ACACB: variants seen among roughly 807,000 people sequenced by gnomAD.
The protein encoded by ACACB is acetyl-CoA carboxylase 2.
ACACB carries 209 observed loss-of-function variants against 278.8 expected under a neutral mutation model. The observed-to-expected ratio is 0.75, with a 90% CI of 0.67 to 0.84. The LOEUF is 0.84. Ranked by LOEUF, ACACB falls within the 40% of genes least tolerant of loss-of-function variation. The pLI, the probability that ACACB is intolerant of heterozygous loss-of-function variation, is 0.00. For synonymous variants in ACACB, 1,174 were observed against 1,285.6 expected, an observed-to-expected ratio of 0.91 and a Z score of 1.86; for missense variants, 2,850 against 3,269.0, an observed-to-expected ratio of 0.87 and a Z score of 3.13.
At chr12:109,210,563 A>G (rs997004281) in intron 21 of ACACB, among the ~76,000 whole-genome samples, 8 of 148,518 alleles carry the variant, frequency 5.4e-5, no homozygotes, top group South Asian at 4.2e-4. Flanking sequence ...ATACATATAT[A>G]CATGTATGTG....
rs377759928 is a variant in ACACB at position 109,124,041 on chromosome 12, G to A, written c.-10+7337G>A. On this transcript the variant is annotated intron_variant, in intron 1 of 52. Coordinates refer to ENST00000338432, the MANE Select transcript of ACACB (RefSeq NM_001093.4). The stretch of plus-strand genomic sequence containing the variant: ...AGCTAGATGTCACACTGTTTTGCCC[G>A]TAATACTTTAGCACACATTTCTAAA... Among the ~76,000 whole-genome samples, 6 of 151,832 alleles carry A rather than the reference G, an allele frequency of 4.0e-5. No homozygotes were observed. The South Asian group carries it at 8.3e-4, about 21-fold the overall frequency.
intron 2 of ACACB, among the ~76,000 whole-genome samples, chr12:109,144,754 C>CTTTT (rs71079528): frequency 6.8e-5 from 7 of 102,802 alleles, no homozygotes; most frequent in African/African-American, 1.2e-4. Flanking sequence ...TTCTTTCTTT[C>CTTTT]TTTTTTTTTT....
chr12:109,246,929 G>A (rs77275020), intron 39 of ACACB, among the ~76,000 whole-genome samples: 5,799 of 152,170 alleles, frequency 0.038, 167 homozygotes, highest in Middle Eastern at 0.075. Context: ...AAAAAACTAG[G>A]TGAGCATGAT....
intron 24 of ACACB, among the ~76,000 whole-genome samples, chr12:109,218,074 T>C (rs1232522987): frequency 6.6e-6 from 1 of 152,226 alleles, no homozygotes; most frequent in Non-Finnish European, 1.5e-5. Context: ...GAACCAATAG[T>C]CTGACTCCAG....
chr12:109,251,504 A>T (rs999318230), intron 41 of ACACB, among the ~76,000 whole-genome samples: 1 of 152,198 alleles, frequency 6.6e-6, no homozygotes, highest in South Asian at 2.1e-4. Context: ...TTATATGTAT[A>T]GTCTTTTTAT....
At chr12:109,124,876 G>A (rs932269810) in intron 1 of ACACB, among the ~76,000 whole-genome samples, 1 of 152,112 alleles carries the variant, frequency 6.6e-6, no homozygotes, top group Non-Finnish European at 1.5e-5. Flanking sequence ...CACCATGCCT[G>A]GCTAATTTTA....
chr12:109,123,791 A>C (rs1200661593), intron 1 of ACACB, among the ~76,000 whole-genome samples: 1 of 151,300 alleles, frequency 6.6e-6, no homozygotes, highest in Non-Finnish European at 1.5e-5. Flanking sequence ...CTGGGCTCCC[A>C]TCTCAGCCTC....
At chr12:109,243,232 A>G (rs908421919) in intron 37 of ACACB, among the ~76,000 whole-genome samples, 2 of 152,214 alleles carry the variant, frequency 1.3e-5, no homozygotes, top group Admixed American at 6.5e-5. Flanking sequence ...ACCAGGCACC[A>G]TTCGAAGTCT....
intron 25 of ACACB, 26 bp downstream of exon 25, chr12:109,222,646 C>G: frequency 1.3e-6 from 2 of 1,590,892 alleles, no homozygotes; most frequent in Non-Finnish European, 8.6e-7. Flanking sequence ...GCGGTCCCCA[C>G]GATGTGCGTT....
rs1441625300 is a variant in ACACB, at chr12:109,223,877, C to T, written c.3855C>T (p.Asn1285=). The change falls in exon 27 of 53, where the codon AAC becomes AAT. Residue 1285 remains asparagine (N), a synonymous_variant. Transcript: ENST00000338432. ...TGCCTACTTTCTTCTATCACGCAAA[C>T]AAAGTCGTGTGCATGGCGTCCTTGG... ...DVLPTFFYHA[N]KVVCMASLEV... is the part of the protein sequence containing the mutation. 1.2e-6 allele frequency: 2 copies of T among 1,614,056 alleles called. No individual in the cohort carries two copies. The highest frequency in any genetic ancestry group is 2.2e-5 in the East Asian group (1 of 44,906).
At chr12:109,193,969 G>A (rs780619789) in intron 16 of ACACB, among the ~76,000 whole-genome samples, 1 of 152,170 alleles carries the variant, frequency 6.6e-6, no homozygotes, top group Non-Finnish European at 1.5e-5. Flanking sequence ...CTGTAGCTGC[G>A]GTAACAAGGT....
upstream of ACACB, among the ~76,000 whole-genome samples, chr12:109,112,708 A>C (rs918967861): frequency 5.5e-4 from 82 of 149,362 alleles, 1 homozygote; most frequent in African/African-American, 1.9e-3. Flanking sequence ...AAAAAAAAAA[A>C]ACCAACCAGG....
chr12:109,264,786 T>C (rs2047470761), intron 50 of ACACB, among the ~76,000 whole-genome samples: 1 of 152,098 alleles, frequency 6.6e-6, no homozygotes, highest in South Asian at 2.1e-4. Context: ...CCAGTGCTCA[T>C]TGGTTCTCTT....
intron 27 of ACACB, 37 bp downstream of exon 27, chr12:109,223,941 G>T: frequency 6.4e-7 from 1 of 1,559,220 alleles, no homozygotes; most frequent in Non-Finnish European, 8.8e-7. Context: ...CACTGACCAT[G>T]CCAGTTCTAG....
intron 9 of ACACB, among the ~76,000 whole-genome samples, 199 bp from the exon 10 acceptor site, chr12:109,178,889 C>CT (rs1415333580): frequency 6.6e-6 from 1 of 152,192 alleles, no homozygotes; most frequent in Non-Finnish European, 1.5e-5. Flanking sequence ...CCTGGGGCCC[C>CT]TTTCTCCTCG....
chr12:109,206,454 C>A (rs1402823711), intron 19 of ACACB, among the ~76,000 whole-genome samples: 1 of 128,304 alleles, frequency 7.8e-6, no homozygotes, highest in African/African-American at 3.7e-5. Flanking sequence ...ACAGATCTCA[C>A]CGCCACCCCA....
chr12:109,223,960 G>A (rs1175576350), intron 27 of ACACB, 56 bp downstream of exon 27: 17 of 1,452,340 alleles, frequency 1.2e-5, no homozygotes, highest in Non-Finnish European at 1.5e-5. Flanking sequence ...AGTGTTCACT[G>A]CCGCTACCAT....
At chr12:109,111,562 CT>C in the ACACB span, 126 of 141,826 alleles carry the variant, frequency 8.9e-4, no homozygotes, top group Non-Finnish European at 1.0e-3. Flanking sequence ...CTTTCTTTTT[CT>C]TTTTTTTTTT....
Position 109,148,427 on chromosome 12 carries a change from TG to T in ACACB, c.653+8370del, listed in dbSNP as rs367765208. Among the ~76,000 whole-genome samples the T allele has an allele frequency of 2.4e-3, 361 of 152,252 alleles. 1 individual carries two copies. The highest frequency in any genetic ancestry group is 3.8e-3 in the Non-Finnish European group (257 of 68,014). On this transcript the variant is annotated intron_variant, in intron 2 of 52. Coordinates refer to ENST00000338432, the MANE Select transcript of ACACB (RefSeq NM_001093.4). ...TTAGTATGACCCTGTGGGGTGCGCATGTGGACTGAATGGAATGGGACAGGTT... is the reference window on the plus strand; with the variant it reads ...TTAGTATGACCCTGTGGGGTGCGCATTGGACTGAATGGAATGGGACAGGTT...
Sources: gnomAD v4.1 joint callset for allele counts (sites outside exome capture counted in the v4.1 genomes callset) on GRCh38, gnomAD v4.1.1 for gene constraint, MANE v1.5 for transcripts, NCBI Gene and HGNC (gene_info 2026-07-23, HGNC 2026-07-21) for gene names.